TPPP: variants seen among roughly 807,000 people sequenced by gnomAD.
The protein encoded by TPPP is tubulin polymerization promoting protein, also known as tubulin polymerization-promoting protein.
Under a neutral mutation model 15.5 loss-of-function variants are expected in TPPP, and 6 were observed. That is an observed-to-expected ratio of 0.39 (90% CI 0.21 to 0.77). TPPP has a LOEUF of 0.77. Among genes scored for constraint, TPPP ranks in the 30% least tolerant of loss-of-function variants. TPPP has a pLI of 0.42. For missense variants in TPPP, 269 were observed against 307.2 expected, an observed-to-expected ratio of 0.88 and a Z score of 0.93; for synonymous variants, 146 against 133.9, an observed-to-expected ratio of 1.09 and a Z score of -0.63.
chr5:676,994 G>A (rs77815351), intron 2 of TPPP, among the ~76,000 whole-genome samples: 52 of 109,998 alleles, frequency 4.7e-4, no homozygotes, highest in Non-Finnish European at 1.0e-3. Flanking sequence ...GCAGAAACGC[G>A]CACACGTGCA....
At chr5:675,979 G>C (rs78043449) in intron 2 of TPPP, 1 of 152,098 alleles carries the variant, frequency 6.6e-6, no homozygotes, top group South Asian at 2.1e-4. Flanking sequence ...AGACCAGCTC[G>C]CACCCGGGGC....
intron 1 of TPPP, among the ~76,000 whole-genome samples, chr5:681,755 G>T (rs901507301): frequency 2.0e-5 from 3 of 148,722 alleles, no homozygotes; most frequent in Non-Finnish European, 4.5e-5. Flanking sequence ...AGACTGTGTT[G>T]TCCAACTGGC....
intron 1 of TPPP, among the ~76,000 whole-genome samples, chr5:684,423 A>T (rs1430450067): frequency 1.3e-5 from 2 of 152,056 alleles, no homozygotes; most frequent in Non-Finnish European, 2.9e-5. Context: ...CTGGGCATTC[A>T]GCCTGGACAG....
At chr5:685,074 G>A (rs1740731560) in intron 1 of TPPP, among the ~76,000 whole-genome samples, 1 of 152,186 alleles carries the variant, frequency 6.6e-6, no homozygotes, top group Admixed American at 6.5e-5. Flanking sequence ...ATCCTGAGAG[G>A]TGCCCGGTCC....
rs1012034338 is a variant in TPPP at position 668,480 on chromosome 5, G to A, written c.312-2357C>T. Among the ~76,000 whole-genome samples the A allele has an allele frequency of 9.9e-5, 15 of 151,642 alleles. 1 individual carries two copies. Among genetic ancestry groups the A allele is most frequent in the South Asian group, 6.2e-4 (3 of 4,810 alleles). On this transcript the variant is annotated intron_variant, in intron 2 of 3. Coordinates refer to ENST00000360578, the MANE Select transcript of TPPP (RefSeq NM_007030.3). ...CACACGGAGAGGGGGCCGCGTGGGC[G>A]CCGTCAGGGAAGTGCAGATGGAAAC...
chr5:673,325 G>A (rs1031944585), intron 2 of TPPP, among the ~76,000 whole-genome samples: 2 of 152,156 alleles, frequency 1.3e-5, no homozygotes, highest in African/African-American at 4.8e-5. Flanking sequence ...TCAGGACCCC[G>A]TGCCAGGATC....
intron 2 of TPPP, among the ~76,000 whole-genome samples, chr5:673,746 G>A (rs1487809751): frequency 6.6e-6 from 1 of 152,158 alleles, no homozygotes; most frequent in African/African-American, 2.4e-5. Context: ...TGGAGCAGGG[G>A]GCCAAGCTTT....
intron 2 of TPPP, among the ~76,000 whole-genome samples, chr5:677,404 T>G (rs1325184517): frequency 6.6e-6 from 1 of 152,194 alleles, no homozygotes; most frequent in Non-Finnish European, 1.5e-5. Context: ...CACAGCTCCC[T>G]GACTCCGGGG....
intron 3 of TPPP, 23 bp from the exon 4 acceptor site, chr5:665,319 G>A: frequency 6.2e-7 from 1 of 1,602,554 alleles, no homozygotes; most frequent in Non-Finnish European, 8.5e-7. Flanking sequence ...CAGGAGGAAG[G>A]GGGCAGGTGA....
At chr5:699,329 A>C in the TPPP span, among the ~76,000 whole-genome samples, 1 of 152,158 alleles carries the variant, frequency 6.6e-6, no homozygotes, top group African/African-American at 2.4e-5. Context: ...TCAGAAATAA[A>C]GACACAAAGT....
At chr5:699,785 G>T in the TPPP span, among the ~76,000 whole-genome samples, 5 of 151,148 alleles carry the variant, frequency 3.3e-5, no homozygotes, top group Admixed American at 2.0e-4. Flanking sequence ...AGTGGGCAAA[G>T]GATATGAACA....
intron 2 of TPPP, chr5:667,054 T>G (rs1223100303): frequency 6.7e-6 from 1 of 149,658 alleles, no homozygotes; most frequent in African/African-American, 2.6e-5. Context: ...TGACCAAGAG[T>G]CAGGGGACAA....
intron 3 of TPPP, 119 bp from the exon 4 acceptor site, chr5:665,415 A>G (rs1423986826): frequency 2.2e-6 from 2 of 915,780 alleles, no homozygotes; most frequent in Non-Finnish European, 1.6e-6. Flanking sequence ...AGGGGCATAA[A>G]CCCTGGGATT....
intron 1 of TPPP, among the ~76,000 whole-genome samples, chr5:686,028 G>A (rs1043321364): frequency 2.0e-5 from 3 of 152,216 alleles, no homozygotes; most frequent in African/African-American, 4.8e-5. Context: ...ACTCTGCAAA[G>A]GACGCTGTGG....
chr5:685,705 C>T (rs931284834), intron 1 of TPPP, among the ~76,000 whole-genome samples: 2 of 152,208 alleles, frequency 1.3e-5, no homozygotes, highest in African/African-American at 4.8e-5. Flanking sequence ...ACATCTTGGC[C>T]CCCATCTGCA....
chr5:677,747 CACTT>C lies in TPPP; in HGVS notation c.310_311+2del. On this transcript the variant is annotated splice_donor_variant and coding_sequence_variant, in exon 2 of 4. Coordinates refer to ENST00000360578, the MANE Select transcript of TPPP (RefSeq NM_007030.3). LOFTEE classifies it high-confidence loss of function. ...CCTCGGCCCGTGAGCCCAGCGCACT[CACTT>C]GATCTTGCTGAAGACGATGTCCACG... The C allele has an allele frequency of 6.4e-7, 1 of 1,557,176 alleles. No homozygotes were observed. Among genetic ancestry groups the C allele is most frequent in the Non-Finnish European group, 8.7e-7 (1 of 1,149,802 alleles).
At chr5:693,722 G>C (rs558720728), upstream of TPPP, among the ~76,000 whole-genome samples, 1 of 150,558 alleles carries the variant, frequency 6.6e-6, no homozygotes, top group South Asian at 2.1e-4. Context: ...GCGCGTTGAC[G>C]GTGCGGCGGG....
At position 688,341 on chromosome 5, in the gene TPPP, C is replaced by T. The variant is rs1438976114; in HGVS notation, c.-5+4937G>A. Among the ~76,000 whole-genome samples, 753 of 144,906 alleles carry T rather than the reference C, an allele frequency of 5.2e-3. 2 individuals are homozygous for T. The highest frequency in any genetic ancestry group is 5.8e-3 in the Non-Finnish European group (374 of 64,294). On this transcript the variant is annotated intron_variant, in intron 1 of 3. Coordinates refer to ENST00000360578, the MANE Select transcript of TPPP (RefSeq NM_007030.3). ...GGCATCCCCGTGGGAGTGTGGGCGG[C>T]GCTGAGCACGAGCACCTGGGGCTCC...
At chr5:669,377 G>A (rs958903257) in intron 2 of TPPP, among the ~76,000 whole-genome samples, 36 of 152,268 alleles carry the variant, frequency 2.4e-4, no homozygotes, top group African/African-American at 7.2e-4. Flanking sequence ...GTGGACACCC[G>A]CACGTTCCCT....
Sources: allele counts gnomAD v4.1 joint callset (sites outside exome capture counted in the v4.1 genomes callset), GRCh38; gene constraint gnomAD v4.1.1; transcripts MANE v1.5; gene names NCBI Gene and HGNC (gene_info 2026-07-23, HGNC 2026-07-21).